The following FBXL17 variants were observed in gnomAD, a reference collection of about 807,000 sequenced individuals.
FBXL17 encodes F-box and leucine rich repeat protein 17.
FBXL17 carries 22 observed loss-of-function variants against 66.2 expected under a neutral mutation model. The ratio of observed to expected loss-of-function variants is 0.33; its 90% CI spans 0.24 to 0.47. The LOEUF is 0.47. FBXL17 is among the 20% of genes least tolerant of loss of function. The pLI is 1.00. For missense variants in FBXL17, 878 were observed against 948.2 expected (o/e 0.93, Z 0.97); for synonymous variants, 474 against 400.5 (o/e 1.18, Z -2.19).
chr5:108,331,865 T>G (rs12654121), intron 4 of FBXL17, among the ~76,000 whole-genome samples: 1 of 152,148 alleles, frequency 6.6e-6, no homozygotes. Context: ...GAATATAACT[T>G]ATAAATGAAA....
chr5:107,950,285 T>C (rs1751454022), intron 7 of FBXL17, among the ~76,000 whole-genome samples: 1 of 152,098 alleles, frequency 6.6e-6, no homozygotes, highest in South Asian at 2.1e-4. Flanking sequence ...AAATATACAA[T>C]ATTTGATCCC....
rs76943735 is a variant in FBXL17, at chr5:108,238,180, C to G, written c.1507-13952G>C. ...AGCTAAAAATGGTGACAGAATACTTCGTATGGATTCACTTTATAAATCATT... is the reference window on the plus strand; with the variant it reads ...AGCTAAAAATGGTGACAGAATACTTGGTATGGATTCACTTTATAAATCATT... On this transcript the variant is annotated intron_variant, in intron 4 of 8. Coordinates refer to ENST00000542267, the MANE Select transcript of FBXL17 (RefSeq NM_001163315.3). Among the ~76,000 whole-genome samples the G allele has an allele frequency of 3.3e-3, 496 of 152,306 alleles. 3 individuals are homozygous for G. Among genetic ancestry groups the G allele is most frequent in the African/African-American group, 0.012 (481 of 41,556 alleles).
At chr5:108,262,212 GACTACAGGTGCCCACC>G (rs1756865806) in intron 4 of FBXL17, among the ~76,000 whole-genome samples, 1 of 151,756 alleles carries the variant, frequency 6.6e-6, no homozygotes, top group Non-Finnish European at 1.5e-5. Flanking sequence ...AAATAGCTAG[GACTACAGGTGCCCACC>G]ACCACGCCCA....
At chr5:108,357,627 A>G (rs1580882132) in intron 3 of FBXL17, among the ~76,000 whole-genome samples, 1 of 152,040 alleles carries the variant, frequency 6.6e-6, no homozygotes, top group East Asian at 1.9e-4. Context: ...AAATTATACA[A>G]TGTCTGCTCT....
In FBXL17 at chr5:108,104,327, G is replaced by A. The variant is rs556986883; in HGVS notation, c.1745+81790C>T. ...GCTGGGATTACAGGCATGAGCCACC[G>A]TGCCCAGCCCTGCAAACAAATATCA... On this transcript the variant is annotated intron_variant, in intron 6 of 8. Transcript: ENST00000542267. Among the ~76,000 whole-genome samples the A allele has an allele frequency of 3.1e-4, 47 of 152,102 alleles. 1 individual carries two copies. Among genetic ancestry groups the A allele is most frequent in the Admixed American group, 9.2e-4 (14 of 15,260 alleles).
chr5:107,922,856 T>C (rs1317915324), intron 7 of FBXL17, among the ~76,000 whole-genome samples: 1 of 152,158 alleles, frequency 6.6e-6, no homozygotes, highest in African/African-American at 2.4e-5. Context: ...GTATAAAGAA[T>C]AAGCTCAGAG....
chr5:107,931,258 T>TTTA (rs369987147), intron 7 of FBXL17, among the ~76,000 whole-genome samples: 15,421 of 58,618 alleles, frequency 0.26, 1,070 homozygotes, highest in Non-Finnish European at 0.3. Flanking sequence ...TTAAAGAGAA[T>TTTA]TTTTTTTTTT....
intron 6 of FBXL17, among the ~76,000 whole-genome samples, chr5:108,125,423 T>C (rs567520753): frequency 6.6e-6 from 1 of 152,010 alleles, no homozygotes; most frequent in African/African-American, 2.4e-5. Flanking sequence ...TTTTAAGAGT[T>C]CCAGAAGAAT....
intron 6 of FBXL17, among the ~76,000 whole-genome samples, chr5:108,063,518 A>C (rs1019362138): frequency 6.6e-6 from 1 of 152,176 alleles, no homozygotes; most frequent in Non-Finnish European, 1.5e-5. Flanking sequence ...TCCCACCCTC[A>C]GCCTGCTGTA....
At chr5:108,353,155 C>G (rs1297144338) in intron 3 of FBXL17, among the ~76,000 whole-genome samples, 1 of 152,172 alleles carries the variant, frequency 6.6e-6, no homozygotes, top group East Asian at 1.9e-4. Context: ...AGTTGCCAAT[C>G]TGTTCTAAAA....
chr5:107,894,145 C>T (rs1365374900), intron 7 of FBXL17, among the ~76,000 whole-genome samples: 1 of 152,122 alleles, frequency 6.6e-6, no homozygotes, highest in Non-Finnish European at 1.5e-5. Flanking sequence ...TAAACTTTTA[C>T]TTACAGGGAG....
chr5:108,092,232 G>A (rs549173243), intron 6 of FBXL17, among the ~76,000 whole-genome samples: 2 of 152,312 alleles, frequency 1.3e-5, no homozygotes, highest in African/African-American at 2.4e-5. Flanking sequence ...GCGATCCAGA[G>A]AAAGGTGGAT....
intron 8 of FBXL17, chr5:107,879,698 C>T (rs950662219): frequency 4.1e-6 from 4 of 985,324 alleles, no homozygotes; most frequent in Admixed American, 6.1e-5. Flanking sequence ...CTTTGAATGG[C>T]GTGTCTATTT....
chr5:107,892,437 T>G (rs1440278727), intron 7 of FBXL17, among the ~76,000 whole-genome samples: 1 of 152,148 alleles, frequency 6.6e-6, no homozygotes. Context: ...AATACATATT[T>G]TTCCTTACAT....
At chr5:108,339,579 TA>T (rs764302968) in intron 4 of FBXL17, among the ~76,000 whole-genome samples, 2,804 of 140,584 alleles carry the variant, frequency 0.02, 89 homozygotes, top group African/African-American at 0.064. Flanking sequence ...AGATTTTTAT[TA>T]AAAAAAAAAA....
chr5:108,203,184 CT>C lies in FBXL17; in HGVS notation c.1615-16938del, dbSNP rs561569295. 3.4e-4 allele frequency among the ~76,000 whole-genome samples: 50 copies of C among 149,068 alleles called. No individual in the cohort carries two copies. The Middle Eastern group carries it at 0.01, about 31-fold the overall frequency. ...ATCATGATGAATATTTTTTAATTAG[CT>C]TTTTTTTTTCATTGTTCAACCACTT... On this transcript the variant is annotated intron_variant, in intron 5 of 8. Transcript: ENST00000542267.
intron 6 of FBXL17, among the ~76,000 whole-genome samples, chr5:108,147,991 GAAAA>G (rs1751625676): frequency 6.6e-6 from 1 of 151,110 alleles, no homozygotes; most frequent in Non-Finnish European, 1.5e-5. Flanking sequence ...ATAGGCAAAG[GAAAA>G]AAACTGAAAA....
chr5:108,145,228 A>G (rs1157689948), intron 6 of FBXL17, among the ~76,000 whole-genome samples: 1 of 152,164 alleles, frequency 6.6e-6, no homozygotes, highest in African/African-American at 2.4e-5. Flanking sequence ...ATAATTTTCT[A>G]CTTCTGTCAT....
At chr5:107,990,745 T>A (rs1400754163) in intron 7 of FBXL17, among the ~76,000 whole-genome samples, 1 of 152,146 alleles carries the variant, frequency 6.6e-6, no homozygotes, top group African/African-American at 2.4e-5. Context: ...GGCAAACTGA[T>A]AAGCAACAGA....
Sources: allele counts gnomAD v4.1 joint callset (sites outside exome capture counted in the v4.1 genomes callset), GRCh38; gene constraint gnomAD v4.1.1; transcripts MANE v1.5; gene names NCBI Gene and HGNC (gene_info 2026-07-23, HGNC 2026-07-21).